BTBD3: variants seen among roughly 807,000 people sequenced by gnomAD.
The protein encoded by BTBD3 is BTB domain containing 3, also known as BTB/POZ domain-containing protein 3.
In BTBD3, 14 loss-of-function variants were observed where a neutral mutation model predicts 41.6. That is an observed-to-expected ratio of 0.34 (90% CI 0.22 to 0.53). The LOEUF is 0.53. BTBD3 is among the 20% of genes least tolerant of loss of function. The probability of loss-of-function intolerance (pLI) is 0.95; values close to 1 mark genes in which losing one functional copy is unlikely to be tolerated. For missense variants in BTBD3, 426 were observed against 654.7 expected (o/e 0.65, Z 3.81); for synonymous variants, 249 against 233.7 (o/e 1.07, Z -0.60).
chr20:11,917,009 A>T (rs1449741658), upstream of BTBD3, among the ~76,000 whole-genome samples: 1 of 152,202 alleles, frequency 6.6e-6, no homozygotes, highest in Non-Finnish European at 1.5e-5. Context: ...TTGCATTTTA[A>T]CTAGGTGGAA....
intron 1 of BTBD3, among the ~76,000 whole-genome samples, chr20:11,901,361 C>T (rs978355318): frequency 2.0e-5 from 3 of 152,126 alleles, no homozygotes; most frequent in African/African-American, 7.2e-5. Context: ...GTGCTTGAAG[C>T]TGAAGATCAT....
chr20:11,923,490 A>T lies in BTBD3; in HGVS notation c.1393A>T (p.Thr465Ser), dbSNP rs201243596. 1.9e-6 allele frequency: 3 copies of T among 1,614,036 alleles called. No individual in the cohort carries two copies. The South Asian group carries it at 3.3e-5, about 18-fold the overall frequency. The change falls in exon 4 of 4, where the codon ACC becomes TCC. Residue 465 changes from threonine (T) to serine (S), a missense_variant. By Grantham distance (58) the Thr-to-Ser change is moderately conservative. Coordinates refer to ENST00000378226, the MANE Select transcript of BTBD3 (RefSeq NM_014962.4). The surrounding 1 kb of genome is among the most constrained non-coding windows in gnomAD (Gnocchi z 5.3). ...FEYPVQIEPD[T>S]FYTASVILDG... ...ATACCCAGTGCAGATCGAGCCAGAC[A>T]CCTTCTACACAGCCAGTGTGATACT...
At chr20:11,899,525 C>G (rs1400170049) in intron 1 of BTBD3, among the ~76,000 whole-genome samples, 1 of 152,072 alleles carries the variant, frequency 6.6e-6, no homozygotes, top group Non-Finnish European at 1.5e-5. Flanking sequence ...GTCTCAGACC[C>G]TTAAAGTATT....
chr20:11,897,613 A>G (rs1470281331), intron 1 of BTBD3, among the ~76,000 whole-genome samples: 1 of 152,050 alleles, frequency 6.6e-6, no homozygotes, highest in African/African-American at 2.4e-5. Flanking sequence ...AATCAGTTTA[A>G]CTACTTTTCC....
chr20:11,900,242 A>C (rs1470479976), intron 1 of BTBD3, among the ~76,000 whole-genome samples: 1 of 152,202 alleles, frequency 6.6e-6, no homozygotes, highest in Non-Finnish European at 1.5e-5. Flanking sequence ...CATTCTTTTG[A>C]AAATAGTGCT....
upstream of BTBD3, chr20:11,913,265 A>C (rs1273523068): frequency 3.3e-5 from 5 of 152,182 alleles, no homozygotes; most frequent in African/African-American, 1.2e-4. Context: ...AGTTGTTGAC[A>C]TAGAAGTTGG....
At chr20:11,912,107 C>T (rs1054071853) in intron 1 of BTBD3, among the ~76,000 whole-genome samples, 1 of 152,096 alleles carries the variant, frequency 6.6e-6, no homozygotes, top group Non-Finnish European at 1.5e-5. Flanking sequence ...ATGAAACTGA[C>T]CATGAACCTT....
Position 11,918,611 on chromosome 20 carries a change from G to A in BTBD3, c.326+10G>A, listed in dbSNP as rs138771953. 2.2e-5 allele frequency: 35 copies of A among 1,564,480 alleles called. No individual in the cohort carries two copies. The highest frequency in any genetic ancestry group is 6.9e-5 in the African/African-American group (5 of 72,484). On this transcript the variant is annotated intron_variant, in intron 1 of 3. Transcript: ENST00000378226. Reference sequence around the variant, plus strand: ...CCACCATTAGAGAGAGGTAAGTGCCGCGCTAGTCTATTTACTTTAAAAGTT... The same window carrying A: ...CCACCATTAGAGAGAGGTAAGTGCCACGCTAGTCTATTTACTTTAAAAGTT...
intron 1 of BTBD3, among the ~76,000 whole-genome samples, chr20:11,901,124 T>G (rs943170805): frequency 6.6e-6 from 1 of 152,208 alleles, no homozygotes; most frequent in Non-Finnish European, 1.5e-5. Flanking sequence ...TCCCAAAATC[T>G]TATTTTCAAT....
Position 11,918,612 on chromosome 20 carries a change from C to T in BTBD3, c.326+11C>T, listed in dbSNP as rs750298372. On this transcript the variant is annotated intron_variant, in intron 1 of 3. Coordinates refer to ENST00000378226, the MANE Select transcript of BTBD3 (RefSeq NM_014962.4). ...CACCATTAGAGAGAGGTAAGTGCCG[C>T]GCTAGTCTATTTACTTTAAAAGTTT... is the stretch of plus-strand genomic sequence containing the variant. 38 of 1,563,976 alleles carry T rather than the reference C, an allele frequency of 2.4e-5. No homozygotes were observed. Among genetic ancestry groups the T allele is most frequent in the Middle Eastern group, 1.7e-4 (1 of 5,792 alleles).
intron 1 of BTBD3, chr20:11,909,866 A>T (rs754335133): frequency 4.6e-5 from 7 of 152,208 alleles, no homozygotes; most frequent in Non-Finnish European, 1.0e-4. Flanking sequence ...CACAATTTAA[A>T]ATCTAAGATA....
intron 1 of BTBD3, chr20:11,891,451 A>G (rs1217804334): frequency 6.6e-6 from 1 of 151,570 alleles, no homozygotes; most frequent in Admixed American, 6.6e-5. Context: ...CCCCTAAGTA[A>G]CTTTCCTGAG....
chr20:11,912,226 T>G (rs2056893660), intron 1 of BTBD3, among the ~76,000 whole-genome samples: 1 of 152,128 alleles, frequency 6.6e-6, no homozygotes, highest in Non-Finnish European at 1.5e-5. Flanking sequence ...CAAATTGAGT[T>G]GCTAGTGAGA....
chr20:11,918,971 T>G (rs1216551253), intron 1 of BTBD3, 115 bp from the exon 2 acceptor site: 7 of 728,664 alleles, frequency 9.6e-6, no homozygotes, highest in South Asian at 3.7e-5. Context: ...TTGTTTTGCC[T>G]TGAAGTTACT....
rs529705650 is a variant in BTBD3 at position 11,919,051 on chromosome 20, G to C, written c.327-35G>C. On this transcript the variant is annotated intron_variant, in intron 1 of 3. Coordinates refer to ENST00000378226, the MANE Select transcript of BTBD3 (RefSeq NM_014962.4). ...GGGGAAGGGGATGTTAAAAATGCAG[G>C]CTGCTGTGAATTAATGAGTTGCCTC... The C allele has an allele frequency of 3.3e-6, 5 of 1,508,600 alleles. No homozygotes were observed. The African/African-American group carries it at 6.9e-5, about 21-fold the overall frequency. The allele number at this position is 1,508,600 out of a possible 1,614,324, so 93.5% of individuals were successfully genotyped here. A position where few individuals can be genotyped will look rare whatever the true frequency, so the allele number is the denominator to read the frequency against.
chr20:11,916,796 A>G (rs2122284944), upstream of BTBD3, among the ~76,000 whole-genome samples: 1 of 152,280 alleles, frequency 6.6e-6, no homozygotes, highest in Non-Finnish European at 1.5e-5. Flanking sequence ...TGTGCTTTGA[A>G]CAAATGAGCG....
At chr20:11,914,809 T>C (rs938916109), upstream of BTBD3, among the ~76,000 whole-genome samples, 1 of 152,134 alleles carries the variant, frequency 6.6e-6, no homozygotes, top group Non-Finnish European at 1.5e-5. Flanking sequence ...CATAACATGC[T>C]AAGAGTAGGT....
In BTBD3 at chr20:11,923,357, A is replaced by G; in HGVS notation, c.1260A>G (p.Ala420=). The G allele has an allele frequency of 6.2e-7, 1 of 1,614,260 alleles. No individual in the cohort carries two copies. The highest frequency in any genetic ancestry group is 1.1e-5 in the South Asian group (1 of 91,090). Residue 420 remains alanine, a synonymous_variant, in exon 4 of 4, where the codon GCA becomes GCG. Coordinates refer to ENST00000378226, the MANE Select transcript of BTBD3 (RefSeq NM_014962.4). The surrounding 1 kb of genome is among the most constrained non-coding windows in gnomAD (Gnocchi z 5.3). ...TGTATGGCTCCAGCTGTGGTTCTGCAGAATACAGTGCCAAGATTGAACTTA... is the reference window on the plus strand; with the variant it reads ...TGTATGGCTCCAGCTGTGGTTCTGCGGAATACAGTGCCAAGATTGAACTTA... ...FGLYGSSCGS[A]EYSAKIELKR... is the part of the protein sequence containing the mutation.
intron 1 of BTBD3, among the ~76,000 whole-genome samples, chr20:11,895,036 A>G (rs148484624): frequency 0.012 from 1,833 of 152,174 alleles, 16 homozygotes; most frequent in Non-Finnish European, 0.018. Flanking sequence ...AAGCGCTCCT[A>G]TACCGCCGCT....
Sources: gnomAD v4.1 joint callset for allele counts (sites outside exome capture counted in the v4.1 genomes callset) on GRCh38, gnomAD v4.1.1 for gene constraint, Gnocchi (gnomAD v3.1) non-coding constraint, MANE v1.5 for transcripts, NCBI Gene and HGNC (gene_info 2026-07-23, HGNC 2026-07-21) for gene names.